The following SDK1 variants were observed in gnomAD, a reference collection of about 807,000 sequenced individuals.
SDK1 encodes the protein sidekick cell adhesion molecule 1.
In SDK1, 157 loss-of-function variants were observed where a neutral mutation model predicts 245.5. The observed-to-expected ratio is 0.64, with a 90% CI of 0.56 to 0.73. SDK1 has a LOEUF of 0.73. SDK1 is among the 30% of genes least tolerant of loss of function. The pLI, the probability that SDK1 is intolerant of heterozygous loss-of-function variation, is 0.00. For missense variants in SDK1, 3,583 were observed against 3,002.3 expected (o/e 1.19, Z -4.52); for synonymous variants, 1,647 against 1,278.5 (o/e 1.29, Z -6.15).
At chr7:4,144,790 T>C (rs1779840792) in intron 28 of SDK1, among the ~76,000 whole-genome samples, 1 of 152,170 alleles carries the variant, frequency 6.6e-6, no homozygotes, top group South Asian at 2.1e-4. Flanking sequence ...GAGGCAGCAC[T>C]GATGAGACCG....
At chr7:3,778,879 A>G (rs1267533617) in intron 4 of SDK1, among the ~76,000 whole-genome samples, 1 of 152,218 alleles carries the variant, frequency 6.6e-6, no homozygotes, top group African/African-American at 2.4e-5. Context: ...CTCAGGTGGG[A>G]GACTAGCTGG....
In SDK1 at chr7:3,784,314, A is replaced by G. The variant is rs1432726507; in HGVS notation, c.714-37136A>G. Reference sequence around the variant, plus strand: ...ATGACTTTGGGAAAAGTAGATATCCATACACAAAAGAATGAAGTTAGATTC... The same window carrying G: ...ATGACTTTGGGAAAAGTAGATATCCGTACACAAAAGAATGAAGTTAGATTC... On this transcript the variant is annotated intron_variant, in intron 4 of 44. Transcript: ENST00000404826. Among the ~76,000 whole-genome samples, 3 of 152,110 alleles carry G rather than the reference A, an allele frequency of 2.0e-5. No homozygotes were observed. The East Asian group carries it at 5.8e-4, about 29-fold the overall frequency.
chr7:3,699,393 G>C (rs2115005040), intron 4 of SDK1, among the ~76,000 whole-genome samples: 1 of 152,204 alleles, frequency 6.6e-6, no homozygotes, highest in East Asian at 1.9e-4. Context: ...AAAGAAAAAA[G>C]AGGCCATTTC....
At chr7:4,068,111 G>T (rs1030392417) in intron 20 of SDK1, among the ~76,000 whole-genome samples, 175 bp downstream of exon 20, 1 of 152,210 alleles carries the variant, frequency 6.6e-6, no homozygotes, top group Non-Finnish European at 1.5e-5. Flanking sequence ...GACTGCCCCA[G>T]TGAGAGCCAG....
At chr7:4,028,783 C>T (rs1050453695) in intron 17 of SDK1, among the ~76,000 whole-genome samples, 2 of 152,104 alleles carry the variant, frequency 1.3e-5, no homozygotes, top group Non-Finnish European at 2.9e-5. Flanking sequence ...TTGTTAAACA[C>T]GGGATTTTGT....
chr7:3,555,067 A>C (rs1353949880), intron 1 of SDK1, among the ~76,000 whole-genome samples: 1 of 152,208 alleles, frequency 6.6e-6, no homozygotes, highest in Non-Finnish European at 1.5e-5. Flanking sequence ...TTCTTCACAG[A>C]AATAGAAAAA....
At chr7:3,358,753 G>A (rs921652887) in intron 1 of SDK1, among the ~76,000 whole-genome samples, 9 of 152,168 alleles carry the variant, frequency 5.9e-5, no homozygotes, top group South Asian at 2.1e-4. Context: ...GTCTTTATAC[G>A]TACTTGCGCT....
At chr7:4,194,201 G>A (rs183708307) in intron 35 of SDK1, among the ~76,000 whole-genome samples, 5 of 151,854 alleles carry the variant, frequency 3.3e-5, no homozygotes, top group Admixed American at 1.3e-4. Context: ...GAGAGAGAGC[G>A]AGAGAGATAT....
chr7:3,972,085 T>C (rs1782533297), intron 12 of SDK1, among the ~76,000 whole-genome samples: 2 of 149,668 alleles, frequency 1.3e-5, no homozygotes, highest in South Asian at 4.3e-4. Context: ...TTCTCTTTTT[T>C]TTTTTTTTTT....
intron 1 of SDK1, among the ~76,000 whole-genome samples, chr7:3,361,131 A>G (rs981341188): frequency 3.3e-5 from 5 of 152,198 alleles, no homozygotes; most frequent in Admixed American, 6.5e-5. Context: ...AAAATCTGCA[A>G]TTGATACTGT....
intron 5 of SDK1, among the ~76,000 whole-genome samples, chr7:3,842,039 C>A (rs1184586943): frequency 6.6e-6 from 1 of 152,188 alleles, no homozygotes; most frequent in Non-Finnish European, 1.5e-5. Flanking sequence ...GTAAGGGATC[C>A]TTTTAACCAG....
At position 3,677,504 on chromosome 7, in the gene SDK1, A is replaced by G. The variant is rs989345519; in HGVS notation, c.713+35399A>G. ...GTGCAAGGGAATTCCCATTTATAAA[A>G]GCATCAGATCTCGTGAGACTTATTC... On this transcript the variant is annotated intron_variant, in intron 4 of 44. Coordinates refer to ENST00000404826, the MANE Select transcript of SDK1 (RefSeq NM_152744.4). Among the ~76,000 whole-genome samples the G allele has an allele frequency of 2.0e-5, 3 of 152,304 alleles. No individual in the cohort carries two copies. In the East Asian group the frequency reaches 5.8e-4, roughly 29 times the overall value.
chr7:3,357,328 G>GTTTTTTTTTTTTTTTTTTTTTTTTTTTTT (rs560124026), intron 1 of SDK1, among the ~76,000 whole-genome samples: 1 of 52,902 alleles, frequency 1.9e-5, no homozygotes. Context: ...TTCTTTTAGT[G>GTTTTTTTTTTTTTTTTTTTTTTTTTTTTT]TTTTTTTTTT....
chr7:3,422,066 G>T (rs961161470), intron 1 of SDK1, among the ~76,000 whole-genome samples: 1 of 151,976 alleles, frequency 6.6e-6, no homozygotes, highest in Admixed American at 6.6e-5. Flanking sequence ...AAGATATGAG[G>T]CCTTAATAAC....
In SDK1 at chr7:4,132,396, C is replaced by G. The variant is rs370139341; in HGVS notation, c.4201C>G (p.Pro1401Ala). 6.2e-7 allele frequency: 1 copy of G among 1,612,282 alleles called. No homozygotes were observed. The highest frequency in any genetic ancestry group is 8.5e-7 in the Non-Finnish European group (1 of 1,179,146). The change falls in exon 28 of 45, where the codon CCG becomes GCG. Residue 1401 changes from proline (P) to alanine (A), a missense_variant. Pro to Ala is a conservative substitution (Grantham distance 27). Transcript: ENST00000404826. ...LTSVRIVWQP[P>A]EEPNGIILGY... ...CTCCGTGCGGATAGTGTGGCAACCT[C>G]CGGAGGAGCCCAACGGCATCATCCT...
intron 30 of SDK1, among the ~76,000 whole-genome samples, chr7:4,154,966 G>A (rs1289747120): frequency 2.6e-5 from 4 of 151,922 alleles, no homozygotes; most frequent in African/African-American, 9.7e-5. Flanking sequence ...AACGGGGGTG[G>A]GGGGCTTGAG....
intron 43 of SDK1, among the ~76,000 whole-genome samples, chr7:4,245,333 G>A (rs1786778857): frequency 6.6e-6 from 1 of 152,094 alleles, no homozygotes; most frequent in East Asian, 1.9e-4. Flanking sequence ...TCCCCTGCCT[G>A]CATCTGGCAA....
intron 1 of SDK1, among the ~76,000 whole-genome samples, chr7:3,521,993 C>T (rs953082200): frequency 3.3e-5 from 5 of 151,874 alleles, no homozygotes; most frequent in Non-Finnish European, 7.4e-5. Flanking sequence ...GGTGAGCATA[C>T]GATATGGGGT....
At position 3,872,985 on chromosome 7, in the gene SDK1, G is replaced by A. The variant is rs140029807; in HGVS notation, c.847+51402G>A. On this transcript the variant is annotated intron_variant, in intron 5 of 44. Coordinates refer to ENST00000404826, the MANE Select transcript of SDK1 (RefSeq NM_152744.4). ...TTTAACCAGTCAGTAATCTTTTAGA[G>A]AACTTAAAAATAAATAATTTTAATT... Among the ~76,000 whole-genome samples, 640 of 152,106 alleles carry A rather than the reference G, an allele frequency of 4.2e-3. 6 individuals are homozygous for A. The highest frequency in any genetic ancestry group is 0.015 in the African/African-American group (623 of 41,526).
Sources: gnomAD v4.1 joint callset for allele counts (sites outside exome capture counted in the v4.1 genomes callset) on GRCh38, gnomAD v4.1.1 for gene constraint, MANE v1.5 for transcripts, NCBI Gene and HGNC (gene_info 2026-07-23, HGNC 2026-07-21) for gene names.